ACOT7: variants seen among roughly 807,000 people sequenced by gnomAD.
ACOT7 encodes the protein acyl-CoA thioesterase 7, also known as cytosolic acyl coenzyme A thioester hydrolase.
In ACOT7, 12 loss-of-function variants were observed where a neutral mutation model predicts 40.2. That is an observed-to-expected ratio of 0.30 (90% CI 0.19 to 0.48). The LOEUF (loss-of-function observed/expected upper bound fraction) is 0.48, where lower values mean the gene tolerates loss of function less well. Among genes scored for constraint, ACOT7 ranks in the 20% least tolerant of loss-of-function variants. The pLI is 0.99. For synonymous variants in ACOT7, 228 were observed against 219.5 expected, an observed-to-expected ratio of 1.04 and a Z score of -0.34; for missense variants, 395 against 530.8, an observed-to-expected ratio of 0.74 and a Z score of 2.51.
chr1:6,292,083 G>A (rs1639682228), intron 7 of ACOT7, among the ~76,000 whole-genome samples: 1 of 152,222 alleles, frequency 6.6e-6, no homozygotes, highest in South Asian at 2.1e-4. Context: ...AGCATTCAAC[G>A]GCCCCTGGAT....
chr1:6,273,689 A>G (rs1639105333), intron 8 of ACOT7, among the ~76,000 whole-genome samples: 1 of 152,262 alleles, frequency 6.6e-6, no homozygotes, highest in Admixed American at 6.5e-5. Context: ...AATTATTCCA[A>G]AAGTCCAATC....
intron 1 of ACOT7, among the ~76,000 whole-genome samples, chr1:6,375,980 C>A (rs970608114): frequency 1.3e-5 from 2 of 151,240 alleles, no homozygotes; most frequent in Admixed American, 6.6e-5. Flanking sequence ...AGGTGCTGGG[C>A]GCAGTGGCTC....
chr1:6,300,295 C>G (rs1000840601), intron 6 of ACOT7, among the ~76,000 whole-genome samples: 1 of 152,058 alleles, frequency 6.6e-6, no homozygotes, highest in Non-Finnish European at 1.5e-5. Context: ...TGCTGGGGGC[C>G]GTGAGCTGGA....
At position 6,383,541 on chromosome 1, in the gene ACOT7, T is replaced by TG. The variant is rs60528728; in HGVS notation, c.143+9715_143+9716insC. 8.7e-3 allele frequency among the ~76,000 whole-genome samples: 1,249 copies of TG among 143,702 alleles called. 23 individuals are homozygous for TG. Among genetic ancestry groups the TG allele is most frequent in the African/African-American group, 0.031 (1,149 of 37,000 alleles). 94.3% of individuals were successfully genotyped at this position (143,702 alleles called of 152,430 possible). ...TATATTATGTGTATTTTAACACAGT[T>TG]TTTTTTTTTTTGAGAGACAAGAGTC... On this transcript the variant is annotated intron_variant, in intron 1 of 8. Transcript: ENST00000361521.
chr1:6,317,566 T>G (rs1640527638), intron 6 of ACOT7, among the ~76,000 whole-genome samples: 1 of 152,106 alleles, frequency 6.6e-6, no homozygotes, highest in Non-Finnish European at 1.5e-5. Context: ...ACGATGCTAG[T>G]CTTTGGGGCC....
rs562842198 is a variant in ACOT7 at position 6,303,392 on chromosome 1, G to T, written c.713-8412C>A. Among the ~76,000 whole-genome samples, 755 of 151,994 alleles carry T rather than the reference G, an allele frequency of 5.0e-3. 7 individuals carry two copies. The highest frequency in any genetic ancestry group is 0.018 in the African/African-American group (726 of 41,466). ...TTAGGTACCAAAGGTATTTTTAATT[G>T]TAACATTTAACTGCTTATAGGTTTT... On this transcript the variant is annotated intron_variant, in intron 6 of 8. Transcript: ENST00000361521.
Position 6,306,599 on chromosome 1 carries a change from G to A in ACOT7, c.713-11619C>T, listed in dbSNP as rs889935111. 22 of 985,406 alleles carry A rather than the reference G, an allele frequency of 2.2e-5. No individual in the cohort carries two copies. Among genetic ancestry groups the A allele is most frequent in the South Asian group, 4.7e-5 (1 of 21,292 alleles). 61.0% of individuals were successfully genotyped at this position (985,406 alleles called of 1,614,324 possible). On this transcript the variant is annotated intron_variant, in intron 6 of 8. Coordinates refer to ENST00000361521, the MANE Select transcript of ACOT7 (RefSeq NM_007274.4). The surrounding 1 kb of genome is among the most constrained non-coding windows in gnomAD (Gnocchi z 4.3). Reference sequence around the variant, plus strand: ...TTCAAACACCAAGATCCTAGAAGGCGAGTACTAGAAGGAATTTAACTGCAG... The same window carrying A: ...TTCAAACACCAAGATCCTAGAAGGCAAGTACTAGAAGGAATTTAACTGCAG...
intron 8 of ACOT7, among the ~76,000 whole-genome samples, chr1:6,272,890 G>A (rs867245436): frequency 1.3e-5 from 2 of 152,178 alleles, no homozygotes; most frequent in Admixed American, 6.5e-5. Flanking sequence ...TCCCACCCAC[G>A]GGCCTCTCCT....
In ACOT7 at chr1:6,355,376, A is replaced by T. The variant is rs1016160522; in HGVS notation, c.144-5510T>A. ...TGCACAGCCGTGTATAACGCAGGAC[A>T]TGGGCCAGCGCCGAGATGTCCACAT... On this transcript the variant is annotated intron_variant, in intron 1 of 8. Coordinates refer to ENST00000361521, the MANE Select transcript of ACOT7 (RefSeq NM_007274.4). This position sits in a 1 kb window ranked among gnomAD's most constrained non-coding sequence, Gnocchi z 5.0. Among the ~76,000 whole-genome samples, 4 of 152,202 alleles carry T rather than the reference A, an allele frequency of 2.6e-5. No individual in the cohort carries two copies. The highest frequency in any genetic ancestry group is 5.9e-5 in the Non-Finnish European group (4 of 68,044).
At chr1:6,347,195 G>A (rs1641451382) in intron 2 of ACOT7, among the ~76,000 whole-genome samples, 1 of 152,154 alleles carries the variant, frequency 6.6e-6, no homozygotes, top group African/African-American at 2.4e-5. Context: ...ACGCCCTGGG[G>A]CTGCCTGGAA....
rs562223245 is a variant in ACOT7, at chr1:6,282,703, T to C, written c.830-1417A>G. 2 of 1,301,968 alleles carry C rather than the reference T, an allele frequency of 1.5e-6. No individual in the cohort carries two copies. The highest frequency in any genetic ancestry group is 1.5e-5 in the African/African-American group (1 of 65,964). The allele number at this position is 1,301,968 out of a possible 1,614,324, so 80.7% of individuals were successfully genotyped here. ...TAAAAAGTATCAGAACGATCCATGC[T>C]ACATTCAACTTCATACTTACAGGGA... On this transcript the variant is annotated intron_variant, in intron 7 of 8. Transcript: ENST00000361521. The surrounding 1 kb of genome is among the most constrained non-coding windows in gnomAD (Gnocchi z 4.5).
At chr1:6,276,389 G>A (rs1464358990) in intron 8 of ACOT7, among the ~76,000 whole-genome samples, 2 of 152,096 alleles carry the variant, frequency 1.3e-5, no homozygotes, top group African/African-American at 4.8e-5. Context: ...GGGGAGGCCT[G>A]CCTCTACGCG....
At chr1:6,307,999 C>T (rs975282092) in intron 6 of ACOT7, among the ~76,000 whole-genome samples, 1 of 150,324 alleles carries the variant, frequency 6.7e-6, no homozygotes, top group Non-Finnish European at 1.5e-5. Context: ...GAGGGAACCA[C>T]AACCAGGCAG....
At chr1:6,357,363 A>C (rs1282609672) in intron 1 of ACOT7, among the ~76,000 whole-genome samples, 1 of 152,262 alleles carries the variant, frequency 6.6e-6, no homozygotes, top group Admixed American at 6.5e-5. Flanking sequence ...GAAGGTGCAC[A>C]GCCAGGTAAG....
chr1:6,351,008 T>C (rs1195401063), intron 1 of ACOT7, among the ~76,000 whole-genome samples: 1 of 152,208 alleles, frequency 6.6e-6, no homozygotes, highest in African/African-American at 2.4e-5. Flanking sequence ...AGACACATGG[T>C]ACACAGTAGA....
At position 6,301,497 on chromosome 1, in the gene ACOT7, C is replaced by T. The variant is rs1328576815; in HGVS notation, c.713-6517G>A. Among the ~76,000 whole-genome samples, 1 of 152,146 alleles carries T rather than the reference C, an allele frequency of 6.6e-6. No individual in the cohort carries two copies. Among genetic ancestry groups the T allele is most frequent in the African/African-American group, 2.4e-5 (1 of 41,420 alleles). On this transcript the variant is annotated intron_variant, in intron 6 of 8. Transcript: ENST00000361521. The surrounding 1 kb of genome is among the most constrained non-coding windows in gnomAD (Gnocchi z 4.1). The stretch of plus-strand genomic sequence containing the variant: ...TGCTCCTGCAGGCTCCACACGGCAC[C>T]CCCAGACCACACTGCATGATGTGAC...
At chr1:6,339,629 C>A in intron 2 of ACOT7, 40 bp from the exon 3 acceptor site, 1 of 1,599,074 alleles carries the variant, frequency 6.3e-7, no homozygotes, top group Non-Finnish European at 8.5e-7. Flanking sequence ...GGTCAGCCAG[C>A]CCAGCCCCGA....
intron 1 of ACOT7, chr1:6,385,831 C>G: frequency 7.1e-7 from 1 of 1,408,986 alleles, no homozygotes; most frequent in South Asian, 1.5e-5. Context: ...CCCACCAGCC[C>G]CCGGCAAGCC....
At chr1:6,324,972 A>G (rs7551164) in intron 5 of ACOT7, among the ~76,000 whole-genome samples, 52,123 of 151,926 alleles carry the variant, frequency 0.34, 13,418 homozygotes, top group African/African-American at 0.73. Context: ...CATTCCTTAC[A>G]GCCGGTGTCT....
Sources: gnomAD v4.1 joint callset for allele counts (sites outside exome capture counted in the v4.1 genomes callset) on GRCh38, gnomAD v4.1.1 for gene constraint, Gnocchi (gnomAD v3.1) non-coding constraint, MANE v1.5 for transcripts, NCBI Gene and HGNC (gene_info 2026-07-23, HGNC 2026-07-21) for gene names.